The following DAB1 variants were observed in gnomAD, a reference collection of about 807,000 sequenced individuals.
DAB1 encodes DAB adaptor protein 1.
DAB1 carries 15 observed loss-of-function variants against 64.6 expected under a neutral mutation model. The observed-to-expected ratio is 0.23, with a 90% CI of 0.16 to 0.36. The LOEUF (loss-of-function observed/expected upper bound fraction) is 0.36, where lower values mean the gene tolerates loss of function less well. Among genes scored for constraint, DAB1 ranks in the 10% least tolerant of loss-of-function variants. DAB1 has a pLI of 1.00. For synonymous variants in DAB1, 235 were observed against 251.9 expected, an observed-to-expected ratio of 0.93 and a Z score of 0.64; for missense variants, 596 against 706.7, an observed-to-expected ratio of 0.84 and a Z score of 1.78.
At chr1:58,063,542 T>C (rs1418488699) in intron 5 of DAB1, among the ~76,000 whole-genome samples, 1 of 152,016 alleles carries the variant, frequency 6.6e-6, no homozygotes, top group Non-Finnish European at 1.5e-5. Context: ...GAGTGTCTAT[T>C]TAGAAATCAG....
chr1:57,713,753 T>C lies in DAB1; in HGVS notation n.552-64088A>G, dbSNP rs933451439. Among the ~76,000 whole-genome samples, 3 of 152,314 alleles carry C rather than the reference T, an allele frequency of 2.0e-5. No homozygotes were observed. In the South Asian group the frequency reaches 6.2e-4, roughly 32 times the overall value. ...AAACCAACTTGGATCAGAGTATGGA[T>C]GTTGGACTCTTGCAAATGTGCAGCA... is the stretch of plus-strand genomic sequence containing the variant. On this transcript the variant is annotated intron_variant and non_coding_transcript_variant, in intron 6 of 20. Coordinates refer to the DAB1 transcript ENST00000485760.
At position 57,027,530 on chromosome 1, in the gene DAB1, G is replaced by A. The variant is rs552075456; in HGVS notation, c.724-1487C>T. Among the ~76,000 whole-genome samples, 35 of 152,192 alleles carry A rather than the reference G, an allele frequency of 2.3e-4. 1 individual carries two copies. Among genetic ancestry groups the A allele is most frequent in the Admixed American group, 1.3e-3 (20 of 15,290 alleles). The stretch of plus-strand genomic sequence containing the variant: ...CATAAATTCCTTTACTGCCTGGACC[G>A]CTGGGCCCAGATAGTAGCTACCCCC... On this transcript the variant is annotated intron_variant, in intron 9 of 14. Coordinates refer to ENST00000371236, the MANE Select transcript of DAB1 (RefSeq NM_001365792.1).
At chr1:58,019,719 T>C (rs763017622) in intron 5 of DAB1, among the ~76,000 whole-genome samples, 1 of 152,220 alleles carries the variant, frequency 6.6e-6, no homozygotes, top group Non-Finnish European at 1.5e-5. Flanking sequence ...TTTTTCTTAC[T>C]ATATTACTTT....
chr1:58,091,970 A>C (rs143198937), intron 5 of DAB1, among the ~76,000 whole-genome samples: 9 of 151,104 alleles, frequency 6.0e-5, no homozygotes, highest in African/African-American at 2.0e-4. Context: ...ACACACACAA[A>C]CTAACATAGC....
At chr1:57,760,983 T>C (rs558840266) in intron 6 of DAB1, among the ~76,000 whole-genome samples, 1 of 152,294 alleles carries the variant, frequency 6.6e-6, no homozygotes, top group South Asian at 2.1e-4. Flanking sequence ...GCAAATGACA[T>C]GAGTATAAGG....
intron 4 of DAB1, among the ~76,000 whole-genome samples, chr1:57,090,528 A>G (rs1387709642): frequency 6.6e-6 from 1 of 152,188 alleles, no homozygotes; most frequent in African/African-American, 2.4e-5. Context: ...GTTCAAATTT[A>G]ATTCTCATTA....
intron 6 of DAB1, among the ~76,000 whole-genome samples, chr1:57,716,112 GT>G (rs1205356350): frequency 6.6e-6 from 1 of 152,126 alleles, no homozygotes; most frequent in Non-Finnish European, 1.5e-5. Context: ...GTTTCACCAT[GT>G]TGGTCAGGCT....
At chr1:58,307,170 GC>G (rs1173632577) in intron 4 of DAB1, among the ~76,000 whole-genome samples, 6 of 152,102 alleles carry the variant, frequency 3.9e-5, no homozygotes, top group Non-Finnish European at 8.8e-5. Flanking sequence ...GGATCTCCAA[GC>G]CCAGTAAAAA....
intron 7 of DAB1, among the ~76,000 whole-genome samples, chr1:57,598,068 C>T (rs1645531871): frequency 6.6e-6 from 1 of 152,182 alleles, no homozygotes; most frequent in Non-Finnish European, 1.5e-5. Context: ...CTGCAAGCTC[C>T]ACCTCCCAGG....
intron 9 of DAB1, among the ~76,000 whole-genome samples, chr1:57,051,605 A>T (rs927793984): frequency 1.3e-5 from 2 of 152,176 alleles, no homozygotes; most frequent in African/African-American, 4.8e-5. Flanking sequence ...TGTTTGCAGG[A>T]TGGGATGCAG....
At chr1:57,743,782 A>T (rs1026484736) in intron 6 of DAB1, among the ~76,000 whole-genome samples, 9 of 152,266 alleles carry the variant, frequency 5.9e-5, no homozygotes, top group African/African-American at 1.2e-4. Flanking sequence ...GGGGTCTCAC[A>T]GCCTTCAGAG....
chr1:57,153,856 G>A (rs1053647471), intron 2 of DAB1, among the ~76,000 whole-genome samples: 2 of 151,880 alleles, frequency 1.3e-5, no homozygotes, highest in African/African-American at 4.8e-5. Context: ...AGCCAGGATG[G>A]TCTCGATCTC....
chr1:58,138,890 GA>G lies in DAB1; in HGVS notation n.387+11620del, dbSNP rs1654110814. 2.0e-5 allele frequency among the ~76,000 whole-genome samples: 3 copies of G among 152,178 alleles called. No homozygotes were observed. In the South Asian group the frequency reaches 6.2e-4, roughly 32 times the overall value. ...ATGAGTGAGAACTAAAAAAATTGAT[GA>G]GTGGGTGAATAGGTAAATGGATGGA... On this transcript the variant is annotated intron_variant and non_coding_transcript_variant, in intron 5 of 20. Transcript: ENST00000485760.
rs373983387 is a variant in DAB1 at position 57,685,700 on chromosome 1, A to G, written n.552-36035T>C. Among the ~76,000 whole-genome samples, 79 of 152,128 alleles carry G rather than the reference A, an allele frequency of 5.2e-4. 2 individuals are homozygous for G. The South Asian group carries it at 6.2e-3, about 12-fold the overall frequency. On this transcript the variant is annotated intron_variant and non_coding_transcript_variant, in intron 6 of 20. Coordinates refer to the DAB1 transcript ENST00000485760. ...ATGACTCTAAACAAATTGAAATAAT[A>G]CCCAGCACACACTCAGATCACAGTG...
intron 7 of DAB1, among the ~76,000 whole-genome samples, chr1:57,551,964 C>G (rs998096380): frequency 1.3e-5 from 2 of 152,178 alleles, no homozygotes; most frequent in Non-Finnish European, 2.9e-5. Context: ...AATGCATTCA[C>G]ACTTTCAAAC....
intron 6 of DAB1, among the ~76,000 whole-genome samples, chr1:57,795,991 A>G (rs1650840589): frequency 6.6e-6 from 1 of 151,830 alleles, no homozygotes; most frequent in East Asian, 1.9e-4. Context: ...ACAAGGTATC[A>G]TATATATACA....
chr1:58,513,322 C>G (rs1459423781), intron 2 of DAB1, among the ~76,000 whole-genome samples: 1 of 152,184 alleles, frequency 6.6e-6, no homozygotes, highest in Non-Finnish European at 1.5e-5. Context: ...CCATGGAGAA[C>G]TGTGAGTCAA....
chr1:58,145,987 T>C (rs1654570322), intron 5 of DAB1, among the ~76,000 whole-genome samples: 1 of 152,188 alleles, frequency 6.6e-6, no homozygotes, highest in Non-Finnish European at 1.5e-5. Flanking sequence ...CATGAAGACC[T>C]TTATGATGGC....
intron 7 of DAB1, among the ~76,000 whole-genome samples, chr1:57,472,169 G>A (rs1440167542): frequency 2.0e-5 from 3 of 152,230 alleles, no homozygotes; most frequent in Admixed American, 6.5e-5. Context: ...CTCCTAGCCC[G>A]GTTCTTTTCC....
Sources: allele counts gnomAD v4.1 joint callset (sites outside exome capture counted in the v4.1 genomes callset), GRCh38; gene constraint gnomAD v4.1.1; transcripts MANE v1.5; gene names NCBI Gene and HGNC (gene_info 2026-07-23, HGNC 2026-07-21).